Variants in NXPH1 observed in about 807,000 individuals in gnomAD.
NXPH1 encodes the protein neurexophilin 1, also known as neurexophilin-1.
NXPH1 carries 5 observed loss-of-function variants against 23.7 expected under a neutral mutation model. The ratio of observed to expected loss-of-function variants is 0.21; its 90% CI spans 0.11 to 0.44. The LOEUF (loss-of-function observed/expected upper bound fraction) is 0.44, where lower values mean the gene tolerates loss of function less well. Among genes scored for constraint, NXPH1 ranks in the 20% least tolerant of loss-of-function variants. NXPH1 has a pLI of 0.99. For synonymous variants in NXPH1, 144 were observed against 122.2 expected (o/e 1.18, Z -1.18); for missense variants, 324 against 321.6 (o/e 1.01, Z -0.06).
chr7:8,738,095 G>C (rs765193671), intron 2 of NXPH1, among the ~76,000 whole-genome samples: 1 of 152,070 alleles, frequency 6.6e-6, no homozygotes, highest in Non-Finnish European at 1.5e-5. Context: ...CTTTAGCTTG[G>C]GGGAGTTTAC....
chr7:8,488,210 A>G (rs1378470839), intron 2 of NXPH1, among the ~76,000 whole-genome samples: 2 of 152,108 alleles, frequency 1.3e-5, no homozygotes, highest in South Asian at 4.1e-4. Flanking sequence ...TTCTTTTACC[A>G]CTATCCCATA....
intron 2 of NXPH1, among the ~76,000 whole-genome samples, chr7:8,670,796 T>G (rs1273782558): frequency 6.6e-6 from 1 of 152,256 alleles, no homozygotes; most frequent in Admixed American, 6.5e-5. Context: ...TGTAGAGGGT[T>G]AGGGACAGGG....
intron 2 of NXPH1, among the ~76,000 whole-genome samples, chr7:8,443,235 A>C (rs1452071781): frequency 6.6e-6 from 1 of 151,504 alleles, no homozygotes; most frequent in South Asian, 2.1e-4. Context: ...CCATTACCAC[A>C]CTCAGTGGTT....
rs140093611 is a variant in NXPH1, at chr7:8,470,567, G to A, written c.54+34800G>A. ...AAATGCAGAGTAGGAACAGATCTCA[G>A]GAAAAGGTAGACCTGGTGCCTGGCT... On this transcript the variant is annotated intron_variant, in intron 2 of 2. Transcript: ENST00000405863. Among the ~76,000 whole-genome samples the A allele has an allele frequency of 6.6e-4, 101 of 152,258 alleles. 2 individuals carry two copies. In the East Asian group the frequency reaches 0.016, roughly 25 times the overall value.
intron 2 of NXPH1, among the ~76,000 whole-genome samples, chr7:8,652,813 G>A (rs1453993872): frequency 2.0e-5 from 3 of 152,104 alleles, no homozygotes; most frequent in Non-Finnish European, 2.9e-5. Flanking sequence ...CTCCCCATCC[G>A]TTTCTTCCAC....
At chr7:8,566,717 T>C (rs10279152) in intron 2 of NXPH1, among the ~76,000 whole-genome samples, 27,536 of 151,736 alleles carry the variant, frequency 0.18, 4,252 homozygotes, top group African/African-American at 0.42. Flanking sequence ...TCCTCTGATT[T>C]AGAGGTGTTT....
intron 2 of NXPH1, among the ~76,000 whole-genome samples, chr7:8,490,909 G>A (rs965360885): frequency 2.6e-5 from 4 of 151,970 alleles, no homozygotes; most frequent in Non-Finnish European, 5.9e-5. Context: ...AATATTAACA[G>A]GGTTATTTTT....
intron 2 of NXPH1, among the ~76,000 whole-genome samples, chr7:8,656,517 T>C (rs2115157611): frequency 6.6e-6 from 1 of 151,120 alleles, no homozygotes; most frequent in African/African-American, 2.4e-5. Context: ...GTTTTTTTTT[T>C]TTTTTTTTCA....
rs563886615 is a variant in NXPH1, at chr7:8,669,077, T to G, written c.55-81931T>G. Reference sequence around the variant, plus strand: ...CACAGGGATGGTCCTGGAGCTTGAGTATGTTCCAGCCAATAAATTGCTGTG... The same window carrying G: ...CACAGGGATGGTCCTGGAGCTTGAGGATGTTCCAGCCAATAAATTGCTGTG... On this transcript the variant is annotated intron_variant, in intron 2 of 2. Transcript: ENST00000405863. Among the ~76,000 whole-genome samples the G allele has an allele frequency of 2.6e-5, 4 of 152,172 alleles. No individual in the cohort carries two copies. In the South Asian group the frequency reaches 8.3e-4, roughly 32 times the overall value.
chr7:8,588,703 G>T (rs1359835970), intron 2 of NXPH1, among the ~76,000 whole-genome samples: 1 of 152,212 alleles, frequency 6.6e-6, no homozygotes, highest in East Asian at 1.9e-4. Flanking sequence ...CACACACCTG[G>T]TAATTGGAGT....
intron 2 of NXPH1, among the ~76,000 whole-genome samples, chr7:8,524,150 G>A (rs993498915): frequency 1.3e-5 from 2 of 148,740 alleles, no homozygotes; most frequent in Non-Finnish European, 3.0e-5. Context: ...GTCGAGGCAG[G>A]AGAATCGCTT....
At chr7:8,709,246 C>T (rs1779750565) in intron 2 of NXPH1, among the ~76,000 whole-genome samples, 3 of 152,090 alleles carry the variant, frequency 2.0e-5, no homozygotes, top group Non-Finnish European at 1.5e-5. Flanking sequence ...TGGTAGTCCT[C>T]TTTGAAAGTA....
At chr7:8,600,535 C>T (rs1443921837) in intron 2 of NXPH1, among the ~76,000 whole-genome samples, 1 of 152,178 alleles carries the variant, frequency 6.6e-6, no homozygotes, top group Non-Finnish European at 1.5e-5. Flanking sequence ...GCAGATCCTG[C>T]TGTGTGGACC....
chr7:8,705,544 C>T (rs1031491746), intron 2 of NXPH1, among the ~76,000 whole-genome samples: 3 of 152,004 alleles, frequency 2.0e-5, no homozygotes, highest in Non-Finnish European at 1.5e-5. Flanking sequence ...TTTCCTTGGT[C>T]GTATTTTGAA....
At chr7:8,605,620 T>C (rs922588021) in intron 2 of NXPH1, among the ~76,000 whole-genome samples, 3 of 152,138 alleles carry the variant, frequency 2.0e-5, no homozygotes, top group African/African-American at 7.2e-5. Flanking sequence ...GTCATTATCA[T>C]GCATATAAAT....
chr7:8,747,473 G>A (rs899356242), intron 2 of NXPH1, among the ~76,000 whole-genome samples: 4 of 152,044 alleles, frequency 2.6e-5, no homozygotes, highest in Non-Finnish European at 4.4e-5. Context: ...CCTTCTTTGG[G>A]ATAATTTCGT....
intron 2 of NXPH1, among the ~76,000 whole-genome samples, chr7:8,636,796 A>G (rs1820224311): frequency 6.6e-6 from 1 of 152,232 alleles, no homozygotes; most frequent in South Asian, 2.1e-4. Flanking sequence ...TCTGAGCTAC[A>G]TCATTCATAT....
At chr7:8,464,230 A>T (rs561656463) in intron 2 of NXPH1, among the ~76,000 whole-genome samples, 1 of 152,206 alleles carries the variant, frequency 6.6e-6, no homozygotes, top group African/African-American at 2.4e-5. Flanking sequence ...ACATCTTTAT[A>T]TCCCCCCGTA....
At chr7:8,525,499 G>A (rs2128616473) in intron 2 of NXPH1, among the ~76,000 whole-genome samples, 1 of 152,294 alleles carries the variant, frequency 6.6e-6, no homozygotes, top group South Asian at 2.1e-4. Context: ...TAATCCCCAA[G>A]ACCATGGGGA....
Sources: gnomAD v4.1 joint callset for allele counts (sites outside exome capture counted in the v4.1 genomes callset) on GRCh38, gnomAD v4.1.1 for gene constraint, MANE v1.5 for transcripts, NCBI Gene and HGNC (gene_info 2026-07-23, HGNC 2026-07-21) for gene names.